The following UPP1 variants were observed in gnomAD, a reference collection of about 807,000 sequenced individuals.
UPP1 encodes the protein UPase 1.
A neutral mutation model predicts 29.6 loss-of-function variants in UPP1; 25 were observed. That is an observed-to-expected ratio of 0.85 (90% CI 0.62 to 1.18). The LOEUF (loss-of-function observed/expected upper bound fraction) is 1.18. Among genes scored for constraint, UPP1 ranks in the 50% most tolerant of loss-of-function variants. The pLI, the probability that UPP1 is intolerant of heterozygous loss-of-function variation, is 0.00. For missense variants in UPP1, 368 were observed against 410.4 expected (o/e 0.90, Z 0.89); for synonymous variants, 165 against 159.8 (o/e 1.03, Z -0.25).
chr7:48,099,882 C>G, intron 4 of UPP1, 95 bp downstream of exon 4: 1 of 818,508 alleles, frequency 1.2e-6, no homozygotes, highest in Non-Finnish European at 2.0e-6. Flanking sequence ...CTTGAGAGAC[C>G]ACAGCTGACA....
At chr7:48,098,870 G>A (rs573833569) in intron 3 of UPP1, among the ~76,000 whole-genome samples, 2 of 152,158 alleles carry the variant, frequency 1.3e-5, no homozygotes, top group South Asian at 2.1e-4. Flanking sequence ...AAGGGACTTC[G>A]ACAGGCTTGA....
At chr7:48,098,843 C>T (rs533294883) in intron 3 of UPP1, among the ~76,000 whole-genome samples, 39 of 152,220 alleles carry the variant, frequency 2.6e-4, no homozygotes, top group Non-Finnish European at 4.0e-4. Context: ...GAAGGAGCTA[C>T]GTTTGAGGCT....
intron 3 of UPP1, among the ~76,000 whole-genome samples, chr7:48,099,304 A>C (rs950082903): frequency 1.3e-5 from 2 of 152,224 alleles, no homozygotes; most frequent in Non-Finnish European, 2.9e-5. Context: ...TAGTAGTTTT[A>C]AAATAAATTC....
At chr7:48,107,337 C>T in intron 7 of UPP1, 24 bp from the exon 8 acceptor site, 1 of 1,596,814 alleles carries the variant, frequency 6.3e-7, no homozygotes, top group Non-Finnish European at 8.5e-7. Flanking sequence ...GCATGTGGTT[C>T]TCATGTCTCC....
chr7:48,095,034 G>A (rs1286078315), intron 3 of UPP1, among the ~76,000 whole-genome samples: 1 of 152,152 alleles, frequency 6.6e-6, no homozygotes, highest in Non-Finnish European at 1.5e-5. Flanking sequence ...TGGGGCCTCA[G>A]CTCTTGATTC....
chr7:48,096,805 T>A (rs541929420), intron 3 of UPP1, among the ~76,000 whole-genome samples: 1 of 152,240 alleles, frequency 6.6e-6, no homozygotes, highest in African/African-American at 2.4e-5. Flanking sequence ...GCTCAAGTGA[T>A]CCTCTCACTT....
chr7:48,108,110 T>C, intron 8 of UPP1, 108 bp from the exon 9 acceptor site: 1 of 1,495,516 alleles, frequency 6.7e-7, no homozygotes, highest in Non-Finnish European at 9.0e-7. Flanking sequence ...CCTGGTTTCC[T>C]GAGGAGGCAG....
chr7:48,089,651 A>G (rs112319360), intron 1 of UPP1: 8,430 of 151,702 alleles, frequency 0.056, 796 homozygotes, highest in African/African-American at 0.19. Flanking sequence ...GCGTGGGGGA[A>G]GCGCGCGGGC....
intron 6 of UPP1, chr7:48,103,967 C>T: frequency 8.3e-7 from 1 of 1,207,306 alleles, no homozygotes; most frequent in Non-Finnish European, 1.1e-6. Flanking sequence ...CACCTGTAAT[C>T]CCAGCACATT....
chr7:48,089,688 G>C (rs1432132549), intron 1 of UPP1: 2 of 152,300 alleles, frequency 1.3e-5, no homozygotes, highest in Non-Finnish European at 2.9e-5. Flanking sequence ...GGTCCACCCC[G>C]TGCCTACCTC....
At chr7:48,103,597 A>T (rs942433555) in intron 6 of UPP1, among the ~76,000 whole-genome samples, 186 bp downstream of exon 6, 1 of 152,092 alleles carries the variant, frequency 6.6e-6, no homozygotes, top group African/African-American at 2.4e-5. Flanking sequence ...CTGTTCTCCC[A>T]ACCCGCACCC....
chr7:48,091,983 T>C (rs13227958), intron 2 of UPP1, among the ~76,000 whole-genome samples: 74,465 of 151,982 alleles, frequency 0.49, 19,104 homozygotes, highest in South Asian at 0.64. Context: ...TTTCCTTTTC[T>C]ACAAACGGGG....
At chr7:48,096,723 A>G (rs1245510070) in intron 3 of UPP1, among the ~76,000 whole-genome samples, 1 of 152,192 alleles carries the variant, frequency 6.6e-6, no homozygotes, top group African/African-American at 2.4e-5. Flanking sequence ...TTATTGAGAC[A>G]GGGTTTCGCC....
rs1195184576 is a variant in UPP1, at chr7:48,102,001, T to C, written c.321+19T>C. ...TGTCAGTGTGAGTACCTGCCTTCCC[T>C]TGTGCTCAGTCTCTAGGCTCTGCAA... On this transcript the variant is annotated intron_variant, in intron 5 of 8. Coordinates refer to ENST00000395564, the MANE Select transcript of UPP1 (RefSeq NM_003364.4). 1.2e-6 allele frequency: 2 copies of C among 1,609,744 alleles called. No homozygotes were observed. The highest frequency in any genetic ancestry group is 1.1e-5 in the South Asian group (1 of 90,526).
Position 48,093,885 on chromosome 7 carries a change from C to T in UPP1, c.-21-878C>T, listed in dbSNP as rs149482513. ...CTAGAAAAGTGAGGCAGAGGCCAGG[C>T]GCAGTGGCTCACACCTGTAATCCCA... On this transcript the variant is annotated intron_variant, in intron 2 of 8. Coordinates refer to ENST00000395564, the MANE Select transcript of UPP1 (RefSeq NM_003364.4). Among the ~76,000 whole-genome samples the T allele has an allele frequency of 9.0e-3, 1,366 of 152,280 alleles. 10 individuals carry two copies. Among genetic ancestry groups the T allele is most frequent in the Middle Eastern group, 0.02 (6 of 294 alleles).
intron 2 of UPP1, among the ~76,000 whole-genome samples, chr7:48,090,740 G>T (rs1330869409): frequency 2.0e-5 from 3 of 152,114 alleles, no homozygotes; most frequent in Non-Finnish European, 4.4e-5. Flanking sequence ...CTGCATTTTG[G>T]CCCAAGCTTT....
chr7:48,104,373 G>A (rs1004020582), intron 6 of UPP1, among the ~76,000 whole-genome samples: 1 of 152,200 alleles, frequency 6.6e-6, no homozygotes, highest in East Asian at 1.9e-4. Flanking sequence ...GCTCTCTGGG[G>A]TTCCAACTCT....
In UPP1 at chr7:48,103,372, A is replaced by G. The variant is rs1442393197; in HGVS notation, c.397A>G (p.Asn133Asp). ...IKLLYYARCS[N>D]VTIIRIGTSG... ...GCTGCTGTACTATGCCCGGTGCTCC[A>G]ACGTCACTATCATCCGCATTGGCAC... The change falls in exon 6 of 9, where the codon AAC becomes GAC. Residue 133 changes from asparagine to aspartate, a missense_variant. Asn to Asp is a conservative substitution (Grantham distance 23). Coordinates refer to ENST00000395564, the MANE Select transcript of UPP1 (RefSeq NM_003364.4). 1.9e-6 allele frequency: 3 copies of G among 1,614,020 alleles called. No individual in the cohort carries two copies. The highest frequency in any genetic ancestry group is 2.5e-6 in the Non-Finnish European group (3 of 1,179,918).
At chr7:48,106,815 G>A (rs543693388) in intron 6 of UPP1, 58 bp from the exon 7 acceptor site, 4 of 1,566,178 alleles carry the variant, frequency 2.6e-6, no homozygotes, top group Non-Finnish European at 3.5e-6. Context: ...TGGCTGCCCT[G>A]CTTTAATTTT....
Sources: gnomAD v4.1 joint callset for allele counts (sites outside exome capture counted in the v4.1 genomes callset) on GRCh38, gnomAD v4.1.1 for gene constraint, MANE v1.5 for transcripts, NCBI Gene and HGNC (gene_info 2026-07-23, HGNC 2026-07-21) for gene names.